Variants in FCGRT observed in about 807,000 individuals in gnomAD.
The protein encoded by FCGRT is Fc gamma receptor and transporter.
In FCGRT, 13 loss-of-function variants were observed where a neutral mutation model predicts 35.7. The ratio of observed to expected loss-of-function variants is 0.36; its 90% confidence interval spans 0.24 to 0.58. The LOEUF (loss-of-function observed/expected upper bound fraction) is 0.58. Ranked by LOEUF, FCGRT falls within the 20% of genes least tolerant of loss-of-function variation. FCGRT has a pLI of 0.77. For synonymous variants in FCGRT, 233 were observed against 216.5 expected (o/e 1.08, Z -0.67); for missense variants, 455 against 474.9 (o/e 0.96, Z 0.39).
intron 4 of FCGRT, chr19:49,516,346 G>GA: frequency 3.1e-6 from 1 of 319,130 alleles, no homozygotes; most frequent in Admixed American, 4.5e-5. Flanking sequence ...AGGTTCAAGT[G>GA]ATTCTCCTGC....
rs1258755172 is a variant in FCGRT at position 49,524,540 on chromosome 19, G to A, written c.635G>A (p.Ser212Asn). The A allele has an allele frequency of 6.2e-7, 1 of 1,611,138 alleles. No homozygotes were observed. Among genetic ancestry groups the A allele is most frequent in the Admixed American group, 1.7e-5 (1 of 59,970 alleles). Residue 212 changes from serine to asparagine, a missense_variant, in exon 5 of 7, where the codon AGC (serine) becomes AAC (asparagine). By Grantham distance (46) the Ser-to-Asn change is conservative. This residue lies in a region of FCGRT where 312 missense variants were observed against 296.1 expected (regional missense o/e 1.05). Coordinates refer to ENST00000221466, the MANE Select transcript of FCGRT (RefSeq NM_001136019.3). ...PPSMRLKARP[S>N]SPGFSVLTCS... is the part of the protein sequence containing the mutation. Reference sequence around the variant, plus strand: ...TCCATGCGCCTGAAGGCCCGACCCAGCAGCCCTGGCTTTTCCGTGCTTACC... The same window carrying A: ...TCCATGCGCCTGAAGGCCCGACCCAACAGCCCTGGCTTTTCCGTGCTTACC...
At chr19:49,525,304 G>T in intron 5 of FCGRT, 153 bp from the exon 6 acceptor site, 1 of 694,670 alleles carries the variant, frequency 1.4e-6, no homozygotes, top group Non-Finnish European at 2.6e-6. Flanking sequence ...GGGGCAGTCT[G>T]CCCAGATCGC....
chr19:49,518,762 C>T lies in FCGRT; in HGVS notation c.601+4276C>T, dbSNP rs1249180392. Among the ~76,000 whole-genome samples, 4 of 150,806 alleles carry T rather than the reference C, an allele frequency of 2.7e-5. No individual in the cohort carries two copies. In the East Asian group the frequency reaches 5.9e-4, roughly 22 times the overall value. On this transcript the variant is annotated intron_variant, in intron 4 of 6. Transcript: ENST00000221466. ...GTTGGCCAGGCTGGTTTCGAACTCC[C>T]GACCCCAGGTGATCCACCCACCTCG...
chr19:49,524,013 CT>C (rs200152928), intron 4 of FCGRT, among the ~76,000 whole-genome samples: 16,333 of 144,520 alleles, frequency 0.11, 1,012 homozygotes, highest in African/African-American at 0.19. Flanking sequence ...TATCCTCTAT[CT>C]TTTTTTTTTT....
At position 49,524,374 on chromosome 19, in the gene FCGRT, G is replaced by A. The variant is rs926792936; in HGVS notation, c.602-133G>A. 4.1e-6 allele frequency: 4 copies of A among 979,446 alleles called. No homozygotes were observed. In the African/African-American group the frequency reaches 4.9e-5, roughly 12 times the overall value. 60.7% of individuals were successfully genotyped at this position (979,446 alleles called of 1,614,324 possible). On this transcript the variant is annotated intron_variant, in intron 4 of 6. Coordinates refer to ENST00000221466, the MANE Select transcript of FCGRT (RefSeq NM_001136019.3). ...GTTGAGTCTCTGTCACCTAGGAAGT[G>A]CCTCCCCTTTTACCACTGTATTATC...
At position 49,526,062 on chromosome 19, in the gene FCGRT, A is replaced by G. The variant is rs762854571; in HGVS notation, c.1041A>G (p.Pro347=). 2.2e-5 allele frequency: 36 copies of G among 1,613,668 alleles called. No homozygotes were observed. Among genetic ancestry groups the G allele is most frequent in the Non-Finnish European group, 3.1e-5 (36 of 1,179,820 alleles). ...ACACCGGGGTCCTCCTGCCCACCCC[A>G]GGGGAGGCCCAGGATGCTGATTTGA... ...GDDTGVLLPT[P]GEAQDADLKD... is the part of the protein sequence containing the mutation. The change falls in exon 7 of 7, where the codon CCA becomes CCG. Residue 347 remains proline, a synonymous_variant. Coordinates refer to ENST00000221466, the MANE Select transcript of FCGRT (RefSeq NM_001136019.3).
chr19:49,516,300 T>A (rs1465322140), intron 4 of FCGRT: 2 of 373,564 alleles, frequency 5.4e-6, no homozygotes, highest in Admixed American at 6.9e-5. Context: ...TGGAGTGCAA[T>A]GGCGCGATCT....
intron 4 of FCGRT, among the ~76,000 whole-genome samples, chr19:49,522,575 G>T (rs1172541669): frequency 6.6e-6 from 1 of 151,348 alleles, no homozygotes; most frequent in Non-Finnish European, 1.5e-5. Flanking sequence ...GGGATTACAG[G>T]TACACGCCAC....
chr19:49,521,622 G>A (rs2080041730), intron 4 of FCGRT: 1 of 147,300 alleles, frequency 6.8e-6, no homozygotes, highest in African/African-American at 2.5e-5. Flanking sequence ...CTTCTGCCTT[G>A]ACCTCCCAAG....
chr19:49,525,027 C>T, intron 5 of FCGRT: 1 of 651,284 alleles, frequency 1.5e-6, no homozygotes, highest in Non-Finnish European at 2.8e-6. Context: ...GCCAGTCCTC[C>T]CTGAGTCTGA....
At chr19:49,520,639 C>G (rs577069216) in intron 4 of FCGRT, 2 of 152,354 alleles carry the variant, frequency 1.3e-5, no homozygotes, top group South Asian at 2.1e-4. Context: ...AGCCACCATG[C>G]CTGACCTGGT....
In FCGRT at chr19:49,518,329, C is replaced by CT. The variant is rs1279679690; in HGVS notation, c.601+3848dup. Among the ~76,000 whole-genome samples the CT allele has an allele frequency of 6.8e-5, 10 of 147,402 alleles. No homozygotes were observed. In the South Asian group the frequency reaches 2.2e-3, roughly 32 times the overall value. On this transcript the variant is annotated intron_variant, in intron 4 of 6. Transcript: ENST00000221466. ...ACACATTTTGTTGTCTTTTCAGTGTCTTTTTCTGATTGTTGAATTTTTCTT... is the reference window on the plus strand; with the variant it reads ...ACACATTTTGTTGTCTTTTCAGTGTCTTTTTTCTGATTGTTGAATTTTTCTT...
chr19:49,513,320 C>T, intron 1 of FCGRT, 67 bp from the exon 2 acceptor site: 1 of 789,952 alleles, frequency 1.3e-6, no homozygotes, highest in Non-Finnish European at 1.7e-6. Flanking sequence ...CGGCCGTGCC[C>T]GCGGTGTCCC....
At chr19:49,523,631 C>T (rs1293605675) in intron 4 of FCGRT, among the ~76,000 whole-genome samples, 5 of 151,648 alleles carry the variant, frequency 3.3e-5, no homozygotes, top group South Asian at 2.1e-4. Context: ...GAGGCCCAGG[C>T]GGATGGATCA....
chr19:49,516,470 C>T (rs2080008427), intron 4 of FCGRT, among the ~76,000 whole-genome samples: 1 of 150,470 alleles, frequency 6.6e-6, no homozygotes, highest in African/African-American at 2.5e-5. Flanking sequence ...CCGGGATGGT[C>T]TCGATCTTTT....
intron 4 of FCGRT, among the ~76,000 whole-genome samples, chr19:49,517,515 AGGAGAG>A (rs1476230186): frequency 6.6e-6 from 1 of 151,074 alleles, no homozygotes; most frequent in Non-Finnish European, 1.5e-5. Context: ...AGAAAGAGAG[AGGAGAG>A]GGAGAGAGAA....
At position 49,525,010 on chromosome 19, in the gene FCGRT, T is replaced by C. The variant is rs1438074457; in HGVS notation, c.871+234T>C. On this transcript the variant is annotated intron_variant, in intron 5 of 6. Coordinates refer to ENST00000221466, the MANE Select transcript of FCGRT (RefSeq NM_001136019.3). ...TCACTGAGTCTGAAGAGCTGTTAAC[T>C]ACCATGGCCAGTCCTCCCTGAGTCT... 4.5e-6 allele frequency: 3 copies of C among 659,426 alleles called. No individual in the cohort carries two copies. The Admixed American group carries it at 6.2e-5, about 14-fold the overall frequency. The allele number at this position is 659,426 out of a possible 1,614,324, so 40.8% of individuals were successfully genotyped here. A position where few individuals can be genotyped will look rare whatever the true frequency, so the allele number is the denominator to read the frequency against.
intron 4 of FCGRT, 22 bp downstream of exon 4, chr19:49,514,508 A>G (rs1027170395): frequency 6.5e-7 from 1 of 1,529,344 alleles, no homozygotes; most frequent in African/African-American, 1.4e-5. Context: ...CTGCAGCCGC[A>G]GGCTGTTCTG....
At chr19:49,516,047 G>A (rs2080005484) in intron 4 of FCGRT, 1 of 375,298 alleles carries the variant, frequency 2.7e-6, no homozygotes, top group Non-Finnish European at 5.2e-6. Flanking sequence ...CATTTGCACT[G>A]CCAGGCGCTG....
Sources: allele counts gnomAD v4.1 joint callset (sites outside exome capture counted in the v4.1 genomes callset), GRCh38; gene constraint gnomAD v4.1.1; regional missense constraint gnomAD v4.1.1; transcripts MANE v1.5; gene names NCBI Gene and HGNC (gene_info 2026-07-23, HGNC 2026-07-21).